CCSER1: variants seen among roughly 807,000 people sequenced by gnomAD.
CCSER1 encodes serine-rich coiled-coil domain-containing protein 1.
Under a neutral mutation model 82.0 loss-of-function variants are expected in CCSER1, and 41 were observed. The ratio of observed to expected loss-of-function variants is 0.50; its 90% CI spans 0.39 to 0.65. CCSER1 has a LOEUF of 0.65. Among genes scored for constraint, CCSER1 ranks in the 30% least tolerant of loss-of-function variants. CCSER1 has a pLI of 0.00. For missense variants in CCSER1, 1,119 were observed against 1,064.2 expected (o/e 1.05, Z -0.72); for synonymous variants, 414 against 383.9 (o/e 1.08, Z -0.92).
At position 91,588,805 on chromosome 4, in the gene CCSER1, A is replaced by G. The variant is rs74363528; in HGVS notation, c.2218-9767A>G. On this transcript the variant is annotated intron_variant, in intron 10 of 10. Transcript: ENST00000509176. ...ACATTTGTTCAACCCAGAATTGTGC[A>G]TGTTGCTGAAGGAAAACATAACTTA... 6.2e-3 allele frequency among the ~76,000 whole-genome samples: 943 copies of G among 151,920 alleles called. 17 individuals carry two copies. Among genetic ancestry groups the G allele is most frequent in the African/African-American group, 0.022 (905 of 41,534 alleles).
intron 10 of CCSER1, among the ~76,000 whole-genome samples, chr4:91,461,470 CTTTA>C (rs377266309): frequency 1.4e-4 from 22 of 152,140 alleles, no homozygotes; most frequent in African/African-American, 4.8e-4. Context: ...AAAATATATC[CTTTA>C]TTAAGAAAAA....
At chr4:91,377,336 CA>C (rs1292973545) in intron 10 of CCSER1, among the ~76,000 whole-genome samples, 8 of 152,168 alleles carry the variant, frequency 5.3e-5, no homozygotes, top group Non-Finnish European at 1.0e-4. Context: ...CTGTCTTCCA[CA>C]ATGGTTGAAC....
chr4:90,464,141 A>G (rs768633529), intron 4 of CCSER1, among the ~76,000 whole-genome samples: 1 of 152,196 alleles, frequency 6.6e-6, no homozygotes, highest in Non-Finnish European at 1.5e-5. Flanking sequence ...AAAAGGTTAC[A>G]TGACAAGGTC....
chr4:90,961,993 A>G (rs1036150021), intron 9 of CCSER1, among the ~76,000 whole-genome samples: 1 of 152,070 alleles, frequency 6.6e-6, no homozygotes, highest in African/African-American at 2.4e-5. Flanking sequence ...AAAACAAAAA[A>G]CATTGTTTAA....
chr4:90,631,869 C>T lies in CCSER1; in HGVS notation c.1932+3637C>T, dbSNP rs187887199. On this transcript the variant is annotated intron_variant, in intron 6 of 10. Transcript: ENST00000509176. Reference sequence around the variant, plus strand: ...TTATTAAAAATATTGTATAAAATTACCTTTGGGCTATGTCTATAAAGTATA... The same window carrying T: ...TTATTAAAAATATTGTATAAAATTATCTTTGGGCTATGTCTATAAAGTATA... Among the ~76,000 whole-genome samples, 3 of 152,136 alleles carry T rather than the reference C, an allele frequency of 2.0e-5. No individual in the cohort carries two copies. The East Asian group carries it at 5.8e-4, about 29-fold the overall frequency.
chr4:91,237,694 G>A (rs1184301117), intron 10 of CCSER1, among the ~76,000 whole-genome samples: 2 of 152,116 alleles, frequency 1.3e-5, no homozygotes, highest in Non-Finnish European at 2.9e-5. Context: ...GCAAACTCTA[G>A]ATTGGGGAGA....
chr4:91,449,147 A>G (rs1560680819), intron 10 of CCSER1, among the ~76,000 whole-genome samples: 1 of 151,978 alleles, frequency 6.6e-6, no homozygotes, highest in Non-Finnish European at 1.5e-5. Flanking sequence ...CTTTATGTAA[A>G]TTATTCCTCA....
chr4:91,458,137 G>A (rs902924789), intron 10 of CCSER1, among the ~76,000 whole-genome samples: 1 of 152,022 alleles, frequency 6.6e-6, no homozygotes, highest in African/African-American at 2.4e-5. Flanking sequence ...ATAGTTTTGA[G>A]TCTAAGTCTT....
intron 5 of CCSER1, among the ~76,000 whole-genome samples, chr4:90,512,622 A>C (rs1178753422): frequency 6.6e-6 from 1 of 152,188 alleles, no homozygotes; most frequent in Non-Finnish European, 1.5e-5. Context: ...TCAAATGTGA[A>C]TCAGAAAAAT....
At chr4:90,822,560 C>T (rs1288027293) in intron 8 of CCSER1, among the ~76,000 whole-genome samples, 2 of 151,960 alleles carry the variant, frequency 1.3e-5, no homozygotes, top group Non-Finnish European at 1.5e-5. Context: ...AACCTCATCT[C>T]TACTAAAAAT....
At chr4:91,127,924 T>G (rs72669222) in intron 10 of CCSER1, among the ~76,000 whole-genome samples, 5,690 of 150,840 alleles carry the variant, frequency 0.038, 147 homozygotes, top group Non-Finnish European at 0.058. Flanking sequence ...TTAGCATACA[T>G]GCTCAAATTT....
At chr4:91,448,274 G>A (rs1047301886) in intron 10 of CCSER1, among the ~76,000 whole-genome samples, 9 of 151,876 alleles carry the variant, frequency 5.9e-5, no homozygotes, top group Non-Finnish European at 1.3e-4. Context: ...TTAATTTTCA[G>A]CACACACACA....
intron 6 of CCSER1, among the ~76,000 whole-genome samples, chr4:90,722,962 T>C (rs945082652): frequency 3.9e-5 from 6 of 151,972 alleles, no homozygotes; most frequent in Non-Finnish European, 1.5e-5. Context: ...TGCCTACTTA[T>C]ATCCTTATCT....
At chr4:91,121,698 C>T (rs1727104411) in intron 10 of CCSER1, among the ~76,000 whole-genome samples, 1 of 151,072 alleles carries the variant, frequency 6.6e-6, no homozygotes, top group Non-Finnish European at 1.5e-5. Flanking sequence ...AAATCTATAC[C>T]AAGAAATAAT....
At chr4:90,938,715 C>A in intron 9 of CCSER1, 1 of 393,914 alleles carries the variant, frequency 2.5e-6, no homozygotes, top group South Asian at 2.0e-5. Context: ...TTTATTTAAA[C>A]CAGTACTTAT....
At chr4:91,078,524 C>T (rs1722282376) in intron 9 of CCSER1, among the ~76,000 whole-genome samples, 1 of 152,240 alleles carries the variant, frequency 6.6e-6, no homozygotes, top group Admixed American at 6.5e-5. Context: ...GCCTCTTCTC[C>T]TCCAAAGGAA....
rs201864895 is a variant in CCSER1, at chr4:90,605,267, A to G, written c.1725-22758A>G. Among the ~76,000 whole-genome samples the G allele has an allele frequency of 3.5e-4, 54 of 152,324 alleles. 1 individual carries two copies. In the East Asian group the frequency reaches 7.3e-3, roughly 21 times the overall value. On this transcript the variant is annotated intron_variant, in intron 5 of 10. Coordinates refer to ENST00000509176, the MANE Select transcript of CCSER1 (RefSeq NM_001145065.2). ...GGTCTGCAGCTTCATTCTTGAAGTC[A>G]GCCAGACCAAGAAACCACCAATTGT...
chr4:90,260,811 G>A (rs1307789812), intron 1 of CCSER1, among the ~76,000 whole-genome samples: 1 of 152,188 alleles, frequency 6.6e-6, no homozygotes, highest in African/African-American at 2.4e-5. Flanking sequence ...CGCCTCCTGG[G>A]TTCAAGCAAT....
At chr4:90,425,626 A>G in intron 4 of CCSER1, among the ~76,000 whole-genome samples, 1 of 152,174 alleles carries the variant, frequency 6.6e-6, no homozygotes, top group East Asian at 1.9e-4. Flanking sequence ...TCTAGCCTCT[A>G]TCTCCAGTTT....
Sources: gnomAD v4.1 joint callset for allele counts (sites outside exome capture counted in the v4.1 genomes callset) on GRCh38, gnomAD v4.1.1 for gene constraint, MANE v1.5 for transcripts, NCBI Gene and HGNC (gene_info 2026-07-23, HGNC 2026-07-21) for gene names.